OSBPL1A: variants seen among roughly 807,000 people sequenced by gnomAD.
OSBPL1A encodes oxysterol-binding protein-related protein 1.
Under a neutral mutation model 137.1 loss-of-function variants are expected in OSBPL1A, and 80 were observed. The observed-to-expected ratio is 0.58, with a 90% CI of 0.49 to 0.70. The LOEUF (loss-of-function observed/expected upper bound fraction) is 0.70. Ranked by LOEUF, OSBPL1A falls within the 30% of genes least tolerant of loss-of-function variation. The pLI, the probability that OSBPL1A is intolerant of heterozygous loss-of-function variation, is 0.00. For missense variants in OSBPL1A, 970 were observed against 1,129.4 expected, an observed-to-expected ratio of 0.86 and a Z score of 2.02; for synonymous variants, 365 against 389.7, an observed-to-expected ratio of 0.94 and a Z score of 0.75.
chr18:24,178,297 T>TTTG (rs1334814223), intron 20 of OSBPL1A, 102 bp from the exon 21 acceptor site: 11 of 1,149,274 alleles, frequency 9.6e-6, no homozygotes, highest in South Asian at 1.8e-5. Context: ...AAACAATTCT[T>TTTG]TTGTTGTTGT....
At chr18:24,167,579 T>C in intron 24 of OSBPL1A, 134 bp from the exon 25 acceptor site, 2 of 718,508 alleles carry the variant, frequency 2.8e-6, no homozygotes, top group Non-Finnish European at 4.9e-6. Flanking sequence ...GCGGAGCATG[T>C]ATAGAAATCT....
At chr18:24,280,500 T>C (rs948355987) in intron 15 of OSBPL1A, among the ~76,000 whole-genome samples, 2 of 152,352 alleles carry the variant, frequency 1.3e-5, no homozygotes, top group East Asian at 3.9e-4. Flanking sequence ...ATGATAGTAC[T>C]CTATTTTCTA....
intron 12 of OSBPL1A, among the ~76,000 whole-genome samples, chr18:24,313,872 C>T (rs946168166): frequency 5.3e-5 from 8 of 152,130 alleles, no homozygotes; most frequent in Non-Finnish European, 1.0e-4. Context: ...GAGGCCAAGG[C>T]GGGCAGATCG....
intron 17 of OSBPL1A, among the ~76,000 whole-genome samples, chr18:24,211,895 C>A (rs1024968036): frequency 7.4e-6 from 1 of 135,722 alleles, no homozygotes; most frequent in Non-Finnish European, 1.6e-5. Context: ...GGCAACAGAG[C>A]GAAACTCCAT....
In OSBPL1A at chr18:24,206,317, C is replaced by A. The variant is rs1347562711; in HGVS notation, c.1602-10117G>T. 3.3e-5 allele frequency among the ~76,000 whole-genome samples: 5 copies of A among 152,294 alleles called. No homozygotes were observed. The East Asian group carries it at 9.6e-4, about 29-fold the overall frequency. On this transcript the variant is annotated intron_variant, in intron 17 of 27. Coordinates refer to ENST00000319481, the MANE Select transcript of OSBPL1A (RefSeq NM_080597.4). Reference sequence around the variant, plus strand: ...CTTCTAAGAGCTTCTGGTTAGGAGGCTGCAGAATGCTAAACAAAGAATCTT... The same window carrying A: ...CTTCTAAGAGCTTCTGGTTAGGAGGATGCAGAATGCTAAACAAAGAATCTT...
intron 5 of OSBPL1A, among the ~76,000 whole-genome samples, chr18:24,335,785 C>T (rs957656918): frequency 9.9e-5 from 15 of 152,214 alleles, no homozygotes; most frequent in African/African-American, 2.9e-4. Context: ...AGACTCTACA[C>T]GTACCATTGC....
At chr18:24,255,207 C>T (rs2089234575) in intron 15 of OSBPL1A, among the ~76,000 whole-genome samples, 1 of 152,102 alleles carries the variant, frequency 6.6e-6, no homozygotes, top group South Asian at 2.1e-4. Flanking sequence ...AAAGCCATAA[C>T]AAAAAGTCTC....
At chr18:24,310,611 A>AAC (rs1258433928) in intron 13 of OSBPL1A, among the ~76,000 whole-genome samples, 1 of 151,032 alleles carries the variant, frequency 6.6e-6, no homozygotes, top group Non-Finnish European at 1.5e-5. Flanking sequence ...CAAAAAAAAA[A>AAC]AAAAAAGAAA....
At chr18:24,355,344 A>C (rs2091515123) in intron 4 of OSBPL1A, among the ~76,000 whole-genome samples, 1 of 151,514 alleles carries the variant, frequency 6.6e-6, no homozygotes, top group Non-Finnish European at 1.5e-5. Context: ...TCTACTAAAA[A>C]TACAAAAAAT....
intron 20 of OSBPL1A, among the ~76,000 whole-genome samples, 198 bp downstream of exon 20, chr18:24,179,540 T>C (rs1463484996): frequency 6.6e-6 from 1 of 152,160 alleles, no homozygotes; most frequent in Non-Finnish European, 1.5e-5. Flanking sequence ...ATCTTTGCAA[T>C]TATTTCTTAT....
intron 14 of OSBPL1A, among the ~76,000 whole-genome samples, chr18:24,294,916 T>C (rs1314874641): frequency 6.6e-6 from 1 of 152,220 alleles, no homozygotes; most frequent in Non-Finnish European, 1.5e-5. Flanking sequence ...CTTCTTTTCC[T>C]TTGGGTAGAT....
Position 24,178,102 on chromosome 18 carries a change from G to C in OSBPL1A, c.2004C>G (p.Ile668Met), listed in dbSNP as rs924149914. The change falls in exon 21 of 28, where the codon ATC becomes ATG. Residue 668 changes from isoleucine (I) to methionine (M), a missense_variant. Coordinates refer to ENST00000319481, the MANE Select transcript of OSBPL1A (RefSeq NM_080597.4). ...GTTTGGGATAGATAGAGCCATGAAA[G>C]ATGAAGTCATTGTTTAATCCTTCAG... ...FHAEGLNNDF[I>M]FHGSIYPKLK... 32 of 1,609,014 alleles carry C rather than the reference G, an allele frequency of 2.0e-5. No individual in the cohort carries two copies. The highest frequency in any genetic ancestry group is 8.4e-5 in the Admixed American group (5 of 59,690).
At chr18:24,390,875 G>A (rs923771894) in intron 1 of OSBPL1A, among the ~76,000 whole-genome samples, 13 of 151,214 alleles carry the variant, frequency 8.6e-5, no homozygotes, top group South Asian at 2.1e-4. Context: ...TGAGGTGGGC[G>A]GATCACCTAA....
intron 16 of OSBPL1A, among the ~76,000 whole-genome samples, chr18:24,231,597 T>C: frequency 6.6e-6 from 1 of 152,256 alleles, no homozygotes; most frequent in Non-Finnish European, 1.5e-5. Context: ...TTAAGATCTT[T>C]AAAGTTCTGT....
intron 5 of OSBPL1A, among the ~76,000 whole-genome samples, chr18:24,335,778 C>G (rs146085415): frequency 1.2e-3 from 185 of 152,308 alleles, no homozygotes; most frequent in African/African-American, 4.4e-3. Flanking sequence ...CTGTTTAAGA[C>G]TCTACACGTA....
At chr18:24,358,593 G>A (rs185170192) in intron 4 of OSBPL1A, 12 of 693,802 alleles carry the variant, frequency 1.7e-5, no homozygotes, top group East Asian at 1.1e-4. Flanking sequence ...TCTGGGCATC[G>A]CCTGAAACAC....
intron 4 of OSBPL1A, among the ~76,000 whole-genome samples, chr18:24,345,396 A>G (rs1402198892): frequency 6.6e-6 from 1 of 152,180 alleles, no homozygotes; most frequent in East Asian, 1.9e-4. Context: ...GGTGTTAAGG[A>G]AGTTGAAAGG....
At chr18:24,211,840 G>C (rs554197086) in intron 17 of OSBPL1A, among the ~76,000 whole-genome samples, 19 of 151,376 alleles carry the variant, frequency 1.3e-4, no homozygotes, top group Admixed American at 1.2e-3. Flanking sequence ...GCATGTGCTT[G>C]TAATCCCAGC....
intron 24 of OSBPL1A, among the ~76,000 whole-genome samples, chr18:24,167,712 G>T (rs562323231): frequency 6.6e-6 from 1 of 152,164 alleles, no homozygotes; most frequent in East Asian, 1.9e-4. Context: ...ATACATACAC[G>T]ATCTTAGTTT....
Sources: allele counts gnomAD v4.1 joint callset (sites outside exome capture counted in the v4.1 genomes callset), GRCh38; gene constraint gnomAD v4.1.1; transcripts MANE v1.5; gene names NCBI Gene and HGNC (gene_info 2026-07-23, HGNC 2026-07-21).